RASSF5: variants seen among roughly 807,000 people sequenced by gnomAD.
RASSF5 encodes ras association domain-containing protein 5.
Under a neutral mutation model 40.5 loss-of-function variants are expected in RASSF5, and 25 were observed. That is an observed-to-expected ratio of 0.62 (90% CI 0.45 to 0.86). The LOEUF (loss-of-function observed/expected upper bound fraction) is 0.86. Among genes scored for constraint, RASSF5 ranks in the 40% least tolerant of loss-of-function variants. RASSF5 has a pLI of 0.00. For synonymous variants in RASSF5, 246 were observed against 252.4 expected (o/e 0.97, Z 0.24); for missense variants, 521 against 572.8 (o/e 0.91, Z 0.92).
chr1:206,564,002 T>C (rs2103545017), intron 2 of RASSF5, among the ~76,000 whole-genome samples: 1 of 152,208 alleles, frequency 6.6e-6, no homozygotes, highest in Middle Eastern at 3.4e-3. Flanking sequence ...GTAAATGAAG[T>C]CCTCCCTTCC....
chr1:206,528,434 G>A (rs1572306281), intron 1 of RASSF5, among the ~76,000 whole-genome samples: 4 of 152,336 alleles, frequency 2.6e-5, no homozygotes, highest in Admixed American at 2.6e-4. Context: ...GCAGAGCACA[G>A]CGGGTTTTTA....
intron 1 of RASSF5, among the ~76,000 whole-genome samples, chr1:206,516,187 G>T (rs1471451326): frequency 6.6e-6 from 1 of 152,178 alleles, no homozygotes; most frequent in African/African-American, 2.4e-5. Flanking sequence ...GACAGCAAGA[G>T]GTCATTGCAG....
chr1:206,532,069 T>A (rs1667251477), intron 1 of RASSF5, among the ~76,000 whole-genome samples: 1 of 144,604 alleles, frequency 6.9e-6, no homozygotes. Flanking sequence ...AAAAAAAAAA[T>A]CTTTGGTAAA....
intron 2 of RASSF5, among the ~76,000 whole-genome samples, chr1:206,574,537 G>C (rs1338295467): frequency 1.3e-5 from 2 of 152,022 alleles, no homozygotes; most frequent in African/African-American, 4.8e-5. Flanking sequence ...TTTTCCCTCT[G>C]CTCTGTTAAT....
At position 206,579,976 on chromosome 1, in the gene RASSF5, C is replaced by T. The variant is rs566430613; in HGVS notation, c.580-3293C>T. Among the ~76,000 whole-genome samples the T allele has an allele frequency of 6.6e-5, 10 of 152,302 alleles. No individual in the cohort carries two copies. The South Asian group carries it at 1.0e-3, about 16-fold the overall frequency. On this transcript the variant is annotated intron_variant, in intron 2 of 5. Transcript: ENST00000579436. The surrounding 1 kb of genome is among the most constrained non-coding windows in gnomAD (Gnocchi z 4.2). ...GCTGGCATTCCATGGCTGTGACATT[C>T]GTAGTGTTGGCTACACACGGGGCTC...
At chr1:206,522,768 A>C (rs189312658) in intron 1 of RASSF5, among the ~76,000 whole-genome samples, 2 of 152,272 alleles carry the variant, frequency 1.3e-5, no homozygotes. Context: ...AGTCAAATAG[A>C]GGTGCATCTC....
chr1:206,511,444 A>G (rs1027799538), intron 1 of RASSF5, among the ~76,000 whole-genome samples: 11 of 152,158 alleles, frequency 7.2e-5, no homozygotes, highest in Non-Finnish European at 1.3e-4. Flanking sequence ...TGCGTAAGCC[A>G]TCCTGGACCA....
intron 4 of RASSF5, 126 bp from the exon 5 acceptor site, chr1:206,585,054 T>C: frequency 1.4e-6 from 1 of 707,530 alleles, no homozygotes; most frequent in Non-Finnish European, 2.5e-6. Context: ...GTTCATTTCA[T>C]TAAAAGGCCC....
At chr1:206,529,677 G>A (rs1667187102) in intron 1 of RASSF5, 2 of 750,488 alleles carry the variant, frequency 2.7e-6, no homozygotes, top group Non-Finnish European at 2.4e-6. Flanking sequence ...AAAGGCAAAG[G>A]CTAAAGAACT....
chr1:206,519,850 A>T (rs1444341716), intron 1 of RASSF5, among the ~76,000 whole-genome samples: 2 of 152,170 alleles, frequency 1.3e-5, no homozygotes, highest in Non-Finnish European at 2.9e-5. Context: ...CCCCATTTGG[A>T]GACAAATATT....
Position 206,587,012 on chromosome 1 carries a change from G to C in RASSF5, c.*34G>C. 6.2e-7 allele frequency: 1 copy of C among 1,612,728 alleles called. No individual in the cohort carries two copies. Among genetic ancestry groups the C allele is most frequent in the Non-Finnish European group, 8.5e-7 (1 of 1,179,252 alleles). ...GCTTCCTCTCCTCCTGGTGCATTCAGATTTATTTGTATTATTAATTATTAT... is the reference window on the plus strand; with the variant it reads ...GCTTCCTCTCCTCCTGGTGCATTCACATTTATTTGTATTATTAATTATTAT... On this transcript the variant is annotated 3_prime_UTR_variant, in exon 6 of 6. Coordinates refer to ENST00000579436, the MANE Select transcript of RASSF5 (RefSeq NM_182663.4).
chr1:206,530,453 T>A, intron 1 of RASSF5, among the ~76,000 whole-genome samples: 1 of 152,218 alleles, frequency 6.6e-6, no homozygotes, highest in East Asian at 1.9e-4. Context: ...CATAAATAAC[T>A]ATGTGATGAA....
Position 206,512,564 on chromosome 1 carries a change from C to T in RASSF5, c.457+4505C>T, listed in dbSNP as rs60225312. ...AGGTGGAAGTGAATTGACATCTCCC[C>T]GCAGCACTGAGGGTTTGGTCTGATA... On this transcript the variant is annotated intron_variant, in intron 1 of 5. Coordinates refer to ENST00000579436, the MANE Select transcript of RASSF5 (RefSeq NM_182663.4). Among the ~76,000 whole-genome samples, 605 of 152,212 alleles carry T rather than the reference C, an allele frequency of 4.0e-3. 27 individuals carry two copies. The East Asian group carries it at 0.085, about 22-fold the overall frequency.
chr1:206,578,233 AGTGTGTGTGT>A (rs58059864), intron 2 of RASSF5, among the ~76,000 whole-genome samples: 1 of 117,494 alleles, frequency 8.5e-6, no homozygotes, highest in Non-Finnish European at 1.9e-5. Flanking sequence ...AAAAAAAAAA[AGTGTGTGTGT>A]GTGTGTGTGT....
chr1:206,522,610 G>A (rs1553396306), intron 1 of RASSF5, among the ~76,000 whole-genome samples: 1 of 152,100 alleles, frequency 6.6e-6, no homozygotes. Flanking sequence ...CTTGGCCAAG[G>A]GGGGATTCTC....
At chr1:206,561,819 C>T (rs1340358872) in intron 2 of RASSF5, among the ~76,000 whole-genome samples, 2 of 147,658 alleles carry the variant, frequency 1.4e-5, no homozygotes, top group Non-Finnish European at 3.0e-5. Context: ...GCACCCACCA[C>T]CACACCCAGC....
At chr1:206,551,201 A>T (rs1331485926) in intron 2 of RASSF5, among the ~76,000 whole-genome samples, 1 of 152,170 alleles carries the variant, frequency 6.6e-6, no homozygotes, top group East Asian at 1.9e-4. Flanking sequence ...CTAGTCCCTC[A>T]GTCAGTATTT....
chr1:206,527,404 T>A (rs1274915797), intron 1 of RASSF5, among the ~76,000 whole-genome samples: 1 of 152,148 alleles, frequency 6.6e-6, no homozygotes, highest in Non-Finnish European at 1.5e-5. Context: ...GAGCCTGAAC[T>A]TGGCTGAAGT....
intron 2 of RASSF5, chr1:206,557,318 G>C (rs1405151764): frequency 2.4e-6 from 3 of 1,256,810 alleles, no homozygotes; most frequent in Non-Finnish European, 3.0e-6. Context: ...CCGGGCGCCC[G>C]GGGCTCTGCA....
Sources: gnomAD v4.1 joint callset for allele counts (sites outside exome capture counted in the v4.1 genomes callset) on GRCh38, gnomAD v4.1.1 for gene constraint, Gnocchi (gnomAD v3.1) non-coding constraint, MANE v1.5 for transcripts, NCBI Gene and HGNC (gene_info 2026-07-23, HGNC 2026-07-21) for gene names.